ST6GALNAC3: variants seen among roughly 807,000 people sequenced by gnomAD.
ST6GALNAC3 encodes the protein ST6 N-acetylgalactosaminide alpha-2,6-sialyltransferase 3, also known as alpha-N-acetylgalactosaminide alpha-2,6-sialyltransferase 3.
Under a neutral mutation model 32.7 loss-of-function variants are expected in ST6GALNAC3, and 25 were observed. The ratio of observed to expected loss-of-function variants is 0.76; its 90% CI spans 0.56 to 1.07. The LOEUF (loss-of-function observed/expected upper bound fraction) is 1.07. Ranked by LOEUF, ST6GALNAC3 falls within the 50% of genes least tolerant of loss-of-function variation. ST6GALNAC3 has a pLI of 0.00. For synonymous variants in ST6GALNAC3, 129 were observed against 133.1 expected (o/e 0.97, Z 0.21); for missense variants, 355 against 382.4 (o/e 0.93, Z 0.60).
intron 2 of ST6GALNAC3, among the ~76,000 whole-genome samples, chr1:76,327,463 G>T (rs1439839849): frequency 6.6e-6 from 1 of 152,086 alleles, no homozygotes; most frequent in African/African-American, 2.4e-5. Context: ...TCTTTGCTCA[G>T]GGACACCAGT....
At chr1:76,493,879 G>A (rs77008284) in intron 3 of ST6GALNAC3, among the ~76,000 whole-genome samples, 9,991 of 152,102 alleles carry the variant, frequency 0.066, 519 homozygotes, top group African/African-American at 0.14. Flanking sequence ...TGTGTGTAGG[G>A]CCATTTCCTC....
chr1:76,563,722 G>C (rs1394124348), intron 3 of ST6GALNAC3, among the ~76,000 whole-genome samples: 1 of 152,086 alleles, frequency 6.6e-6, no homozygotes, highest in African/African-American at 2.4e-5. Context: ...TATATGTTTT[G>C]TTTGATTTTA....
At chr1:76,552,450 C>T (rs189080484) in intron 3 of ST6GALNAC3, among the ~76,000 whole-genome samples, 2 of 152,272 alleles carry the variant, frequency 1.3e-5, no homozygotes, top group Admixed American at 1.3e-4. Context: ...GTGTGATTAT[C>T]TGTTCACTCT....
chr1:76,210,452 G>A (rs1278647177), intron 1 of ST6GALNAC3, among the ~76,000 whole-genome samples: 1 of 152,130 alleles, frequency 6.6e-6, no homozygotes, highest in Non-Finnish European at 1.5e-5. Flanking sequence ...TATCTATATT[G>A]AACCAAGTCT....
At chr1:76,296,481 C>T (rs545678912) in intron 1 of ST6GALNAC3, among the ~76,000 whole-genome samples, 23 of 152,208 alleles carry the variant, frequency 1.5e-4, no homozygotes, top group African/African-American at 5.1e-4. Context: ...ATCGACCCTT[C>T]TCTTCTTCTA....
At chr1:76,099,568 G>C (rs1571146464) in intron 1 of ST6GALNAC3, among the ~76,000 whole-genome samples, 1 of 134,392 alleles carries the variant, frequency 7.4e-6, no homozygotes, top group Non-Finnish European at 1.5e-5. Context: ...AAAGAAGCCA[G>C]ACATGAAAGA....
At chr1:76,195,996 A>AATCAGGAG (rs1227676890) in intron 1 of ST6GALNAC3, among the ~76,000 whole-genome samples, 1 of 152,210 alleles carries the variant, frequency 6.6e-6, no homozygotes, top group Non-Finnish European at 1.5e-5. Context: ...CTTTAAGGAA[A>AATCAGGAG]ATCAGGAGTT....
intron 1 of ST6GALNAC3, 98 bp from the exon 2 acceptor site, chr1:76,313,707 C>A: frequency 8.0e-7 from 1 of 1,245,294 alleles, no homozygotes; most frequent in Non-Finnish European, 1.2e-6. Context: ...CCTTCGACCC[C>A]TATGAAAGAA....
chr1:76,116,414 A>G (rs1468023639), intron 1 of ST6GALNAC3, among the ~76,000 whole-genome samples: 8 of 152,104 alleles, frequency 5.3e-5, no homozygotes, highest in African/African-American at 1.9e-4. Flanking sequence ...GCATTCTGGA[A>G]AATGCTTCTC....
chr1:76,567,208 C>A (rs115560897), intron 3 of ST6GALNAC3, among the ~76,000 whole-genome samples: 25 of 152,296 alleles, frequency 1.6e-4, no homozygotes, highest in African/African-American at 6.0e-4. Flanking sequence ...GAGACCCTCT[C>A]ATTCTTGGTT....
At position 76,275,815 on chromosome 1, in the gene ST6GALNAC3, ACTTGT is replaced by A. The variant is rs1304043632; in HGVS notation, c.19-37984_19-37980del. On this transcript the variant is annotated intron_variant, in intron 1 of 4. Coordinates refer to ENST00000328299, the MANE Select transcript of ST6GALNAC3 (RefSeq NM_152996.4). Reference sequence around the variant, plus strand: ...TATATACTTGTATTGTCTTGTATATACTTGTCTTGTAAGAGCATTTACTGTCTTGT... The same window carrying A: ...TATATACTTGTATTGTCTTGTATATACTTGTAAGAGCATTTACTGTCTTGT... Among the ~76,000 whole-genome samples, 9 of 152,178 alleles carry A rather than the reference ACTTGT, an allele frequency of 5.9e-5. No homozygotes were observed. In the South Asian group the frequency reaches 8.3e-4, roughly 14 times the overall value.
chr1:76,529,938 C>T (rs188358943), intron 3 of ST6GALNAC3, among the ~76,000 whole-genome samples: 35 of 152,298 alleles, frequency 2.3e-4, no homozygotes, highest in African/African-American at 7.2e-4. Context: ...GCAGTGATTG[C>T]TCCTTAAATA....
chr1:76,135,691 A>G (rs1649900502), intron 1 of ST6GALNAC3, among the ~76,000 whole-genome samples: 1 of 152,220 alleles, frequency 6.6e-6, no homozygotes, highest in African/African-American at 2.4e-5. Context: ...GGGGCCCCAT[A>G]GTGGAGCTAC....
intron 3 of ST6GALNAC3, among the ~76,000 whole-genome samples, chr1:76,532,105 G>A (rs1663295463): frequency 6.6e-6 from 1 of 152,148 alleles, no homozygotes; most frequent in Admixed American, 6.5e-5. Context: ...CCATTTGGAG[G>A]CATTGCTTCT....
At chr1:76,193,846 T>A (rs1654045099) in intron 1 of ST6GALNAC3, among the ~76,000 whole-genome samples, 1 of 152,208 alleles carries the variant, frequency 6.6e-6, no homozygotes, top group Non-Finnish European at 1.5e-5. Flanking sequence ...GGCCTCCTTC[T>A]TACTGTATCC....
At chr1:76,097,321 G>T (rs1238244199) in intron 1 of ST6GALNAC3, among the ~76,000 whole-genome samples, 2 of 152,194 alleles carry the variant, frequency 1.3e-5, no homozygotes, top group South Asian at 4.1e-4. Flanking sequence ...TCATAGGAGG[G>T]ACCTGGTGGG....
rs537520099 is a variant in ST6GALNAC3, at chr1:76,517,685, C to T, written c.623+105268C>T. On this transcript the variant is annotated intron_variant, in intron 3 of 4. Coordinates refer to ENST00000328299, the MANE Select transcript of ST6GALNAC3 (RefSeq NM_152996.4). ...TCAACATTTTTGCTATTAATTGGTA[C>T]ATTTTTAAGGCTACTTATTTTTCCT... Among the ~76,000 whole-genome samples, 3 of 151,838 alleles carry T rather than the reference C, an allele frequency of 2.0e-5. No homozygotes were observed. The South Asian group carries it at 6.2e-4, about 32-fold the overall frequency.
intron 2 of ST6GALNAC3, among the ~76,000 whole-genome samples, chr1:76,369,277 A>G (rs1366429035): frequency 2.0e-5 from 3 of 152,116 alleles, no homozygotes; most frequent in Non-Finnish European, 4.4e-5. Context: ...TAATTTTTCA[A>G]CATGCTCAGG....
At chr1:76,228,469 C>A (rs937586255) in intron 1 of ST6GALNAC3, among the ~76,000 whole-genome samples, 3 of 152,136 alleles carry the variant, frequency 2.0e-5, no homozygotes, top group African/African-American at 7.2e-5. Flanking sequence ...CAGTTTGGGG[C>A]AAACCATGTG....
Sources: gnomAD v4.1 joint callset for allele counts (sites outside exome capture counted in the v4.1 genomes callset) on GRCh38, gnomAD v4.1.1 for gene constraint, MANE v1.5 for transcripts, NCBI Gene and HGNC (gene_info 2026-07-23, HGNC 2026-07-21) for gene names.